Variants in TTC7A observed in about 807,000 individuals in gnomAD.
TTC7A encodes the protein tetratricopeptide repeat protein 7A.
A neutral mutation model predicts 103.7 loss-of-function variants in TTC7A; 110 were observed. The ratio of observed to expected loss-of-function variants is 1.06; its 90% CI spans 0.91 to 1.24. The LOEUF (loss-of-function observed/expected upper bound fraction) is 1.24. Among genes scored for constraint, TTC7A ranks in the 50% most tolerant of loss-of-function variants. The pLI, the probability that TTC7A is intolerant of heterozygous loss-of-function variation, is 0.00. For synonymous variants in TTC7A, 521 were observed against 467.9 expected (o/e 1.11, Z -1.47); for missense variants, 1,340 against 1,116.3 (o/e 1.20, Z -2.86).
intron 5 of TTC7A, among the ~76,000 whole-genome samples, chr2:46,987,807 CGCGTGTGTGT>C (rs1675175049): frequency 9.1e-6 from 1 of 110,040 alleles, no homozygotes; most frequent in South Asian, 3.0e-4. Context: ...TCCCTTTCCG[CGCGTGTGTGT>C]GTGTGTGTGT....
At position 46,941,596 on chromosome 2, in the gene TTC7A, C is replaced by G. The variant is rs1447267276; in HGVS notation, c.55C>G (p.Arg19Gly). 6.4e-7 allele frequency: 1 copy of G among 1,556,962 alleles called. No individual in the cohort carries two copies. Among genetic ancestry groups the G allele is most frequent in the Non-Finnish European group, 8.7e-7 (1 of 1,151,038 alleles). ...CCTGAAGGTGGAGAGCGAGCTGGAG[C>G]GCTGCCGCGCCGAGGGCCACTGGGA... The part of the protein sequence containing the change: ...SYLKVESELE[R>G]CRAEGHWDRM... Residue 19 changes from arginine (R) to glycine (G), a missense_variant, in exon 1 of 20, where the codon CGC becomes GGC. Transcript: ENST00000319190. The surrounding 1 kb of genome is among the most constrained non-coding windows in gnomAD (Gnocchi z 4.2).
chr2:46,973,367 A>T (rs1032093512), intron 3 of TTC7A, among the ~76,000 whole-genome samples: 2 of 152,252 alleles, frequency 1.3e-5, no homozygotes, highest in African/African-American at 4.8e-5. Context: ...GTAGAGTGGC[A>T]GAAGAGGAGC....
At chr2:47,052,888 G>C (rs1573039811) in intron 18 of TTC7A, among the ~76,000 whole-genome samples, 1 of 152,228 alleles carries the variant, frequency 6.6e-6, no homozygotes, top group Middle Eastern at 3.4e-3. Context: ...ATTGTCCCCA[G>C]GGGGGGAGTT....
intron 2 of TTC7A, among the ~76,000 whole-genome samples, chr2:46,934,339 A>G (rs2103852542): frequency 6.6e-6 from 1 of 152,278 alleles, no homozygotes; most frequent in Admixed American, 6.5e-5. Context: ...GCTCACTGCA[A>G]CCTCTGCCTT....
At chr2:46,917,275 G>C in exon 2 of TTC7A, 1 of 680,082 alleles carries the variant, frequency 1.5e-6, no homozygotes, top group Admixed American at 2.3e-5. Flanking sequence ...TGGGATTACA[G>C]GGGTGAGCCA....
At chr2:46,996,965 G>T (rs923344157) in intron 8 of TTC7A, among the ~76,000 whole-genome samples, 32 of 106,936 alleles carry the variant, frequency 3.0e-4, no homozygotes, top group Admixed American at 1.2e-3. Flanking sequence ...TTTTTGTGGT[G>T]GTTGTTGTTG....
At chr2:47,001,594 C>T (rs1354457372) in intron 8 of TTC7A, among the ~76,000 whole-genome samples, 2 of 152,264 alleles carry the variant, frequency 1.3e-5, no homozygotes, top group African/African-American at 4.8e-5. Flanking sequence ...CGGTGGCTCA[C>T]GCCTGTAATC....
chr2:47,060,693 G>C, intron 18 of TTC7A, 76 bp from the exon 19 acceptor site: 1 of 1,390,940 alleles, frequency 7.2e-7, no homozygotes, highest in Non-Finnish European at 9.9e-7. Context: ...CCCTGGCTCT[G>C]AGGATGCAGG....
At chr2:46,958,867 G>T (rs1365468799) in intron 3 of TTC7A, among the ~76,000 whole-genome samples, 1 of 152,206 alleles carries the variant, frequency 6.6e-6, no homozygotes, top group African/African-American at 2.4e-5. Context: ...CATTGGTCCT[G>T]ACTCCGTCTG....
intron 15 of TTC7A, among the ~76,000 whole-genome samples, chr2:47,044,535 G>A (rs1013519760): frequency 6.6e-5 from 10 of 152,162 alleles, no homozygotes; most frequent in Admixed American, 3.3e-4. Context: ...GGGGGATCCC[G>A]GTTTCTGCCC....
intron 11 of TTC7A, among the ~76,000 whole-genome samples, chr2:47,012,745 C>G (rs549829640): frequency 6.6e-6 from 1 of 152,268 alleles, no homozygotes; most frequent in South Asian, 2.1e-4. Context: ...GGCTTGCCTT[C>G]TCTCTGCTCC....
At chr2:46,981,137 A>G (rs1674413884) in intron 5 of TTC7A, among the ~76,000 whole-genome samples, 1 of 152,242 alleles carries the variant, frequency 6.6e-6, no homozygotes, top group Admixed American at 6.5e-5. Flanking sequence ...CCTTGACAGA[A>G]AAAATTTGCT....
chr2:47,044,165 C>G (rs1037929798), intron 15 of TTC7A, among the ~76,000 whole-genome samples: 3 of 152,194 alleles, frequency 2.0e-5, no homozygotes, highest in African/African-American at 7.2e-5. Context: ...TTCTCTCTCC[C>G]TGACTCCCAG....
At chr2:46,989,820 CTG>C (rs10650352) in intron 5 of TTC7A, among the ~76,000 whole-genome samples, 84 of 137,526 alleles carry the variant, frequency 6.1e-4, no homozygotes, top group Middle Eastern at 3.6e-3. Context: ...GTGTGTGCAT[CTG>C]TGTGTGTGTG....
chr2:46,950,441 C>G lies in TTC7A; in HGVS notation c.263C>G (p.Ser88Cys), dbSNP rs1324996140. 1 of 1,614,142 alleles carries G rather than the reference C, an allele frequency of 6.2e-7. No homozygotes were observed. The highest frequency in any genetic ancestry group is 8.5e-7 in the Non-Finnish European group (1 of 1,180,030). The change falls in exon 2 of 20, where the codon TCC (serine) becomes TGC (cysteine). Residue 88 changes from serine (S) to cysteine (C), a missense_variant. Ser to Cys is a moderately radical substitution (Grantham distance 112, BLOSUM62 -1). Transcript: ENST00000319190. The stretch of plus-strand genomic sequence containing the variant: ...GAGAACCATGCCAAAATAAAAGACT[C>G]CATGCCTTTGCTGGAGAAGAATGAG... The part of the protein sequence containing the change: ...LKENHAKIKD[S>C]MPLLEKNEPK...
At chr2:46,917,677 T>A (rs1668884697) in intron 2 of TTC7A, among the ~76,000 whole-genome samples, 1 of 152,198 alleles carries the variant, frequency 6.6e-6, no homozygotes. Context: ...ACCAGATAAT[T>A]CCCATCAACA....
chr2:47,022,096 A>G, intron 12 of TTC7A, 117 bp downstream of exon 12: 6 of 689,660 alleles, frequency 8.7e-6, no homozygotes, highest in South Asian at 7.1e-5. Flanking sequence ...CATAGACACC[A>G]TGCACTCCTC....
At chr2:47,011,270 C>G in intron 10 of TTC7A, 61 bp from the exon 11 acceptor site, 1 of 1,504,816 alleles carries the variant, frequency 6.6e-7, no homozygotes, top group Non-Finnish European at 9.2e-7. Context: ...GCTCGCCCCA[C>G]TGTGGGCCCT....
intron 15 of TTC7A, among the ~76,000 whole-genome samples, chr2:47,041,883 G>C (rs1364804180): frequency 6.6e-6 from 1 of 152,094 alleles, no homozygotes; most frequent in African/African-American, 2.4e-5. Flanking sequence ...GAGGGCTTTG[G>C]CTGGGCTACA....
Sources: gnomAD v4.1 joint callset for allele counts (sites outside exome capture counted in the v4.1 genomes callset) on GRCh38, gnomAD v4.1.1 for gene constraint, Gnocchi (gnomAD v3.1) non-coding constraint, MANE v1.5 for transcripts, NCBI Gene and HGNC (gene_info 2026-07-23, HGNC 2026-07-21) for gene names.